The following PCLO variants were observed in gnomAD, a reference collection of about 807,000 sequenced individuals.
PCLO encodes piccolo presynaptic cytomatrix protein, also known as protein piccolo.
PCLO carries 82 observed loss-of-function variants against 427.5 expected under a neutral mutation model. The observed-to-expected ratio is 0.19, with a 90% CI of 0.16 to 0.23. The LOEUF (loss-of-function observed/expected upper bound fraction) is 0.23, where lower values mean the gene tolerates loss of function less well. Among genes scored for constraint, PCLO ranks in the 10% least tolerant of loss-of-function variants. PCLO has a pLI of 1.00. For synonymous variants in PCLO, 2,357 were observed against 2,155.4 expected, an observed-to-expected ratio of 1.09 and a Z score of -2.59; for missense variants, 6,239 against 6,115.9, an observed-to-expected ratio of 1.02 and a Z score of -0.67.
intron 6 of PCLO, among the ~76,000 whole-genome samples, chr7:82,917,974 C>T (rs1016044057): frequency 3.3e-5 from 5 of 151,780 alleles, no homozygotes; most frequent in Admixed American, 6.6e-5. Context: ...TATTTGTTTT[C>T]TGTTATCATA....
intron 10 of PCLO, among the ~76,000 whole-genome samples, chr7:82,874,070 A>T (rs1258919680): frequency 2.0e-5 from 3 of 152,170 alleles, no homozygotes; most frequent in Non-Finnish European, 4.4e-5. Context: ...TACATGATTA[A>T]TTACAAATAG....
intron 3 of PCLO, among the ~76,000 whole-genome samples, chr7:83,001,834 T>C (rs1787832161): frequency 6.6e-6 from 1 of 151,998 alleles, no homozygotes; most frequent in Non-Finnish European, 1.5e-5. Flanking sequence ...TGCACACACT[T>C]ACTCAGCCTC....
chr7:82,834,373 A>G (rs893587894), intron 16 of PCLO, among the ~76,000 whole-genome samples: 3 of 152,236 alleles, frequency 2.0e-5, no homozygotes, highest in Non-Finnish European at 4.4e-5. Context: ...TCACAGCGTC[A>G]GTTACATTGT....
intron 3 of PCLO, among the ~76,000 whole-genome samples, chr7:83,025,178 C>T (rs1194812727): frequency 2.0e-5 from 3 of 151,972 alleles, no homozygotes; most frequent in Non-Finnish European, 4.4e-5. Flanking sequence ...GATATTCAAA[C>T]CAAAGGCAAA....
intron 3 of PCLO, among the ~76,000 whole-genome samples, chr7:83,107,137 T>C (rs998603587): frequency 6.6e-6 from 1 of 152,188 alleles, no homozygotes; most frequent in Admixed American, 6.5e-5. Context: ...TCACAGGGTG[T>C]TGGTGTACAA....
At chr7:83,058,888 C>G (rs1198710847) in intron 3 of PCLO, among the ~76,000 whole-genome samples, 1 of 152,048 alleles carries the variant, frequency 6.6e-6, no homozygotes, top group Non-Finnish European at 1.5e-5. Context: ...AAGCATTATT[C>G]AACATAAGCA....
chr7:82,957,963 A>G (rs546951236), intron 4 of PCLO, among the ~76,000 whole-genome samples: 2 of 152,338 alleles, frequency 1.3e-5, no homozygotes, highest in East Asian at 3.9e-4. Flanking sequence ...TTAAATAAAC[A>G]TTAAATACAG....
At chr7:82,823,865 T>C (rs1170800469) in intron 19 of PCLO, among the ~76,000 whole-genome samples, 1 of 152,220 alleles carries the variant, frequency 6.6e-6, no homozygotes, top group African/African-American at 2.4e-5. Context: ...AACTTAATGA[T>C]AATGATGATT....
chr7:82,824,139 T>G (rs947134765), intron 19 of PCLO, 97 bp downstream of exon 19: 1 of 789,250 alleles, frequency 1.3e-6, no homozygotes, highest in African/African-American at 1.7e-5. Context: ...GTGTCTAATC[T>G]ATTAATATAG....
At chr7:83,133,213 G>T (rs1233618775) in intron 3 of PCLO, among the ~76,000 whole-genome samples, 1 of 151,756 alleles carries the variant, frequency 6.6e-6, no homozygotes, top group African/African-American at 2.4e-5. Flanking sequence ...AAACTCTAAA[G>T]CTTATTTTAT....
At chr7:82,983,988 T>C (rs1796203627) in intron 3 of PCLO, among the ~76,000 whole-genome samples, 1 of 151,900 alleles carries the variant, frequency 6.6e-6, no homozygotes, top group Admixed American at 6.6e-5. Flanking sequence ...TCAGCTTCAT[T>C]TGACACTCTG....
At chr7:83,080,867 C>A (rs945650117) in intron 3 of PCLO, among the ~76,000 whole-genome samples, 10 of 151,550 alleles carry the variant, frequency 6.6e-5, no homozygotes, top group African/African-American at 2.4e-4. Context: ...TATATACATA[C>A]CTATGAAAAA....
intron 22 of PCLO, 132 bp downstream of exon 22, chr7:82,801,383 AATG>A (rs1262549711): frequency 1.9e-6 from 1 of 526,316 alleles, no homozygotes; most frequent in Non-Finnish European, 3.4e-6. Context: ...TTTAATAGAT[AATG>A]ATATCTTACT....
chr7:82,799,596 C>G (rs1791299879), intron 22 of PCLO, among the ~76,000 whole-genome samples: 2 of 152,140 alleles, frequency 1.3e-5, no homozygotes, highest in Admixed American at 6.5e-5. Context: ...TTCCTTTCTT[C>G]TCAGAGTAGC....
At chr7:83,004,048 C>G (rs1462158923) in intron 3 of PCLO, among the ~76,000 whole-genome samples, 2 of 151,516 alleles carry the variant, frequency 1.3e-5, no homozygotes, top group Non-Finnish European at 3.0e-5. Flanking sequence ...CTCATAATTT[C>G]TACGAAGTCA....
At chr7:82,824,183 C>A in intron 19 of PCLO, 53 bp downstream of exon 19, 1 of 1,235,404 alleles carries the variant, frequency 8.1e-7, no homozygotes, top group South Asian at 1.4e-5. Context: ...TAAGAAGATA[C>A]AGACTGAACA....
chr7:82,829,406 T>C (rs1432207016), intron 16 of PCLO, among the ~76,000 whole-genome samples: 1 of 152,144 alleles, frequency 6.6e-6, no homozygotes, highest in Non-Finnish European at 1.5e-5. Flanking sequence ...CAGGTGAATC[T>C]AATATGTAGC....
rs1362346148 is a variant in PCLO, at chr7:83,154,903, G to C, written c.1738C>G (p.Pro580Ala). Residue 580 changes from proline to alanine, a missense_variant, in exon 2 of 25, where the codon CCT becomes GCT. Around this residue, in one of 5 missense-constraint regions of PCLO, gnomAD observed 4,677 missense variants for 4,468.4 expected, o/e 1.05. Coordinates refer to ENST00000333891, the MANE Select transcript of PCLO (RefSeq NM_033026.6). The stretch of plus-strand genomic sequence containing the variant: ...ATGGTTTTAGGGAGGCCTTGTGAAG[G>C]AGGCTGTTTTGCAGATGGAGACACT... ...PTVSPSAKQP[P>A]SQGLPKTICP... 1.9e-6 allele frequency: 3 copies of C among 1,613,942 alleles called. No homozygotes were observed. The highest frequency in any genetic ancestry group is 1.7e-5 in the Admixed American group (1 of 60,008).
chr7:82,971,741 CATATAT>C (rs113326490), intron 3 of PCLO, among the ~76,000 whole-genome samples: 1 of 142,298 alleles, frequency 7.0e-6, no homozygotes, highest in Non-Finnish European at 1.5e-5. Context: ...TTGTACCAAC[CATATAT>C]ATATATATAT....
Sources: gnomAD v4.1 joint callset for allele counts (sites outside exome capture counted in the v4.1 genomes callset) on GRCh38, gnomAD v4.1.1 for gene constraint, gnomAD v4.1.1 regional missense constraint, MANE v1.5 for transcripts, NCBI Gene and HGNC (gene_info 2026-07-23, HGNC 2026-07-21) for gene names.